TF: variants seen among roughly 807,000 people sequenced by gnomAD.
TF encodes transferrin, also known as serotransferrin.
Under a neutral mutation model 82.4 loss-of-function variants are expected in TF, and 55 were observed. The ratio of observed to expected loss-of-function variants is 0.67; its 90% CI spans 0.54 to 0.84. The LOEUF is 0.84. TF is among the 40% of genes least tolerant of loss of function. TF has a pLI of 0.00. For missense variants in TF, 737 were observed against 868.4 expected (o/e 0.85, Z 1.90); for synonymous variants, 332 against 332.6 (o/e 1.00, Z 0.02).
the TF span, among the ~76,000 whole-genome samples, chr3:133,670,441 T>C: frequency 6.6e-6 from 1 of 152,246 alleles, no homozygotes; most frequent in African/African-American, 2.4e-5. Flanking sequence ...GAAATGACTT[T>C]AGCACTTTGG....
the TF span, among the ~76,000 whole-genome samples, chr3:133,716,348 T>G: frequency 1.3e-5 from 2 of 152,266 alleles, no homozygotes; most frequent in South Asian, 4.1e-4. Flanking sequence ...CTCCTGAAAC[T>G]CCATACACTC....
chr3:133,683,770 C>A, the TF span, among the ~76,000 whole-genome samples: 109 of 152,164 alleles, frequency 7.2e-4, 2 homozygotes, highest in South Asian at 0.017. Flanking sequence ...TTAACACCCC[C>A]CTGTCAACAT....
At chr3:133,776,625 A>G (rs1183930614) in intron 15 of TF, among the ~76,000 whole-genome samples, 4 of 152,214 alleles carry the variant, frequency 2.6e-5, no homozygotes, top group Non-Finnish European at 5.9e-5. Context: ...GCAGTCAAAC[A>G]TGAACTTTTA....
At chr3:133,763,939 C>G (rs41295786) in intron 9 of TF, among the ~76,000 whole-genome samples, 1 of 152,298 alleles carries the variant, frequency 6.6e-6, no homozygotes, top group East Asian at 1.9e-4. Context: ...GAATGTGGGT[C>G]TTTGCTCTTG....
chr3:133,776,450 AAG>A (rs1359360534), intron 15 of TF, among the ~76,000 whole-genome samples: 1 of 152,192 alleles, frequency 6.6e-6, no homozygotes, highest in East Asian at 1.9e-4. Flanking sequence ...TAAAAAAAAT[AAG>A]AGTATATTTG....
At chr3:133,706,123 T>C in the TF span, among the ~76,000 whole-genome samples, 1 of 152,180 alleles carries the variant, frequency 6.6e-6, no homozygotes, top group African/African-American at 2.4e-5. Flanking sequence ...GAGGAATGGC[T>C]GGAAACCCCA....
chr3:133,756,544 C>T (rs983983447), intron 6 of TF, among the ~76,000 whole-genome samples: 1 of 152,182 alleles, frequency 6.6e-6, no homozygotes, highest in East Asian at 1.9e-4. Context: ...TCTCTCCACA[C>T]GGTGCCTCTG....
the TF span, chr3:133,704,395 AC>A: frequency 1.5e-5 from 3 of 200,986 alleles, no homozygotes; most frequent in African/African-American, 6.9e-5. Context: ...TGAGGAAATA[AC>A]TTAGTTTAGT....
the TF span, among the ~76,000 whole-genome samples, chr3:133,714,051 G>C: frequency 6.6e-6 from 1 of 152,196 alleles, no homozygotes; most frequent in Non-Finnish European, 1.5e-5. Flanking sequence ...GGTCAGGGCA[G>C]GCCTCAGCAG....
At chr3:133,673,784 AGCCGTACATTTATT>A in the TF span, among the ~76,000 whole-genome samples, 1 of 152,198 alleles carries the variant, frequency 6.6e-6, no homozygotes, top group Non-Finnish European at 1.5e-5. Flanking sequence ...ATGATAATTA[AGCCGTACATTTATT>A]TAGAACATGT....
rs1380867984 is a variant in TF, at chr3:133,775,521, G to A, written c.1776G>A (p.Glu592=). Residue 592 remains glutamate, a synonymous_variant, in exon 15 of 17, where the codon GAG becomes GAA. Coordinates refer to ENST00000402696, the MANE Select transcript of TF (RefSeq NM_001063.4). The part of the protein sequence containing the change: ...CLDGTRKPVE[E]YANCHLARAP... ...ATGGTACCAGGAAACCTGTGGAGGAGTATGCGAACTGCCACCTGGCCAGAG... is the reference window on the plus strand; with the variant it reads ...ATGGTACCAGGAAACCTGTGGAGGAATATGCGAACTGCCACCTGGCCAGAG... 6.2e-7 allele frequency: 1 copy of A among 1,614,232 alleles called. No individual in the cohort carries two copies. Among genetic ancestry groups the A allele is most frequent in the Admixed American group, 1.7e-5 (1 of 60,034 alleles).
chr3:133,734,569 CAT>C, the TF span, among the ~76,000 whole-genome samples: 1 of 152,120 alleles, frequency 6.6e-6, no homozygotes, highest in Non-Finnish European at 1.5e-5. Context: ...ATAAACAAGT[CAT>C]AGAAAAAACT....
At chr3:133,684,732 A>AT in the TF span, among the ~76,000 whole-genome samples, 2 of 152,224 alleles carry the variant, frequency 1.3e-5, no homozygotes, top group African/African-American at 4.8e-5. Flanking sequence ...AACCAAAAAA[A>AT]GTCCAGGACC....
rs1438264876 is a variant in TF at position 133,789,091 on chromosome 3, T to A, written c.*10471T>A. The stretch of plus-strand genomic sequence containing the variant: ...CAGAGATGCCTGACACTCTTAAGAC[T>A]GGACCCCAAAGGGGGATTCCCCAGG... On this transcript the variant is annotated 3_prime_UTR_variant, in exon 17 of 17. Transcript: ENST00000402696. 1 of 152,342 alleles carries A rather than the reference T, an allele frequency of 6.6e-6. No homozygotes were observed. Among genetic ancestry groups the A allele is most frequent in the African/African-American group, 2.4e-5 (1 of 41,482 alleles). The allele number at this position is 152,342 out of a possible 1,614,324, so 9.4% of individuals were successfully genotyped here.
chr3:133,695,675 C>T, the TF span, among the ~76,000 whole-genome samples: 4 of 152,186 alleles, frequency 2.6e-5, no homozygotes, highest in Non-Finnish European at 5.9e-5. Context: ...GTAAGCATTT[C>T]TTTTACAGTA....
In TF at chr3:133,793,235, G is replaced by A. The variant is rs1333286424; in HGVS notation, c.*14615G>A. ...AAGTAAGTCTTCCATCTATCAACAT[G>A]GAAAGGTTTTTGCCTTTTAAAACAT... is the stretch of plus-strand genomic sequence containing the variant. On this transcript the variant is annotated 3_prime_UTR_variant, in exon 17 of 17. Transcript: ENST00000402696. The A allele has an allele frequency of 6.6e-6, 1 of 152,072 alleles. No homozygotes were observed. Among genetic ancestry groups the A allele is most frequent in the Non-Finnish European group, 1.5e-5 (1 of 67,982 alleles). 9.4% of individuals were successfully genotyped at this position (152,072 alleles called of 1,614,324 possible).
At chr3:133,703,158 A>G in the TF span, among the ~76,000 whole-genome samples, 1 of 152,172 alleles carries the variant, frequency 6.6e-6, no homozygotes, top group Non-Finnish European at 1.5e-5. Flanking sequence ...AAATCTTTGT[A>G]TCTATAAATG....
the TF span, among the ~76,000 whole-genome samples, chr3:133,690,979 A>G: frequency 6.6e-6 from 1 of 152,126 alleles, no homozygotes; most frequent in South Asian, 2.1e-4. Context: ...TAGAGTCCTA[A>G]CTTTATACAC....
the TF span, among the ~76,000 whole-genome samples, chr3:133,738,719 A>T: frequency 6.6e-6 from 1 of 152,160 alleles, no homozygotes; most frequent in Non-Finnish European, 1.5e-5. Flanking sequence ...CACAATTGCT[A>T]CAAAGAGAAT....
Sources: gnomAD v4.1 joint callset for allele counts (sites outside exome capture counted in the v4.1 genomes callset) on GRCh38, gnomAD v4.1.1 for gene constraint, MANE v1.5 for transcripts, NCBI Gene and HGNC (gene_info 2026-07-23, HGNC 2026-07-21) for gene names.